NKAIN2: variants seen among roughly 807,000 people sequenced by gnomAD.
The protein encoded by NKAIN2 is sodium/potassium transporting ATPase interacting 2, also known as sodium/potassium-transporting ATPase subunit beta-1-interacting protein 2.
A neutral mutation model predicts 32.6 loss-of-function variants in NKAIN2; 14 were observed. That is an observed-to-expected ratio of 0.43 (90% confidence interval 0.28 to 0.67). NKAIN2 has a LOEUF of 0.67. Among genes scored for constraint, NKAIN2 ranks in the 30% least tolerant of loss-of-function variants. The pLI, the probability that NKAIN2 is intolerant of heterozygous loss-of-function variation, is 0.17. For synonymous variants in NKAIN2, 80 were observed against 87.2 expected, an observed-to-expected ratio of 0.92 and a Z score of 0.46; for missense variants, 198 against 258.3, an observed-to-expected ratio of 0.77 and a Z score of 1.60.
At chr6:124,707,141 T>A (rs1017373614) in intron 4 of NKAIN2, among the ~76,000 whole-genome samples, 2 of 152,036 alleles carry the variant, frequency 1.3e-5, no homozygotes, top group Non-Finnish European at 2.9e-5. Context: ...ATTTCTAATT[T>A]CATCCATGTC....
chr6:124,358,990 T>C (rs1389825443), intron 3 of NKAIN2, among the ~76,000 whole-genome samples: 4 of 151,362 alleles, frequency 2.6e-5, no homozygotes, highest in African/African-American at 9.7e-5. Context: ...TTTCTCCATA[T>C]GGCTAGCCAG....
intron 1 of NKAIN2, among the ~76,000 whole-genome samples, chr6:123,909,082 A>AT (rs954281654): frequency 1.6e-4 from 25 of 151,894 alleles, no homozygotes; most frequent in African/African-American, 5.1e-4. Flanking sequence ...TATTCCAGTC[A>AT]TTTTTTTTCT....
At chr6:124,758,596 A>C (rs1355783774) in intron 4 of NKAIN2, among the ~76,000 whole-genome samples, 1 of 152,202 alleles carries the variant, frequency 6.6e-6, no homozygotes, top group African/African-American at 2.4e-5. Context: ...CTGCTTGGTT[A>C]GGCCGCAGTT....
intron 4 of NKAIN2, among the ~76,000 whole-genome samples, chr6:124,672,335 T>C (rs1233997607): frequency 6.6e-6 from 1 of 152,024 alleles, no homozygotes; most frequent in African/African-American, 2.4e-5. Context: ...GTGTCCAATG[T>C]GGGAATTGTT....
At chr6:124,548,460 G>A (rs557176453) in intron 3 of NKAIN2, among the ~76,000 whole-genome samples, 24 of 152,270 alleles carry the variant, frequency 1.6e-4, no homozygotes, top group South Asian at 4.1e-4. Flanking sequence ...AAAGGGAAGC[G>A]TGGTGCATGA....
intron 3 of NKAIN2, among the ~76,000 whole-genome samples, chr6:124,528,683 A>C (rs1386465881): frequency 1.3e-5 from 2 of 150,526 alleles, no homozygotes; most frequent in Non-Finnish European, 2.9e-5. Flanking sequence ...ATCTTTAAAG[A>C]AAAAACAAGT....
chr6:124,608,325 C>T (rs774604866), intron 3 of NKAIN2, among the ~76,000 whole-genome samples: 9 of 152,220 alleles, frequency 5.9e-5, no homozygotes, highest in African/African-American at 1.4e-4. Flanking sequence ...CAATGCAGAC[C>T]GGGCACTCCA....
chr6:124,021,982 T>C (rs2114762069), intron 1 of NKAIN2, among the ~76,000 whole-genome samples: 1 of 152,252 alleles, frequency 6.6e-6, no homozygotes, highest in South Asian at 2.1e-4. Context: ...GCTATGTTGG[T>C]GTGCTGCACC....
chr6:124,621,866 C>T (rs1783119122), intron 3 of NKAIN2, among the ~76,000 whole-genome samples: 1 of 152,118 alleles, frequency 6.6e-6, no homozygotes, highest in African/African-American at 2.4e-5. Context: ...CCTCCCCTTG[C>T]AATACAACCA....
At position 124,754,505 on chromosome 6, in the gene NKAIN2, G is replaced by A. The variant is rs150216327; in HGVS notation, c.475-36834G>A. Reference sequence around the variant, plus strand: ...ATGATTGTTGGCCACATGAAAAGACGTATATGTGGCCAACAATTATGTGGA... The same window carrying A: ...ATGATTGTTGGCCACATGAAAAGACATATATGTGGCCAACAATTATGTGGA... On this transcript the variant is annotated intron_variant, in intron 4 of 6. Transcript: ENST00000368417. Among the ~76,000 whole-genome samples the A allele has an allele frequency of 7.5e-3, 1,133 of 151,884 alleles. 22 individuals carry two copies. Among genetic ancestry groups the A allele is most frequent in the African/African-American group, 0.026 (1,074 of 41,432 alleles).
intron 1 of NKAIN2, among the ~76,000 whole-genome samples, chr6:124,108,222 A>G (rs1363334319): frequency 1.3e-5 from 2 of 152,086 alleles, no homozygotes; most frequent in African/African-American, 4.8e-5. Context: ...CCTAATAGGT[A>G]CAAGGTAATA....
intron 4 of NKAIN2, among the ~76,000 whole-genome samples, chr6:124,687,295 TC>T (rs1416811434): frequency 7.0e-6 from 1 of 142,682 alleles, no homozygotes; most frequent in Non-Finnish European, 1.5e-5. Context: ...ATATATATAT[TC>T]TATATATAGA....
chr6:124,420,283 T>C (rs1226643701), intron 3 of NKAIN2, among the ~76,000 whole-genome samples: 2 of 152,186 alleles, frequency 1.3e-5, no homozygotes, highest in African/African-American at 4.8e-5. Flanking sequence ...CTCTCTGTAT[T>C]GTTGCCTAGA....
intron 1 of NKAIN2, among the ~76,000 whole-genome samples, chr6:123,984,658 C>T (rs1276898110): frequency 6.6e-6 from 1 of 151,950 alleles, no homozygotes; most frequent in African/African-American, 2.4e-5. Context: ...AATGTAAATC[C>T]TCAGAAAAGA....
rs1225677505 is a variant in NKAIN2 at position 124,208,181 on chromosome 6, T to C, written c.55-74824T>C. 3.3e-5 allele frequency among the ~76,000 whole-genome samples: 5 copies of C among 152,038 alleles called. No individual in the cohort carries two copies. The East Asian group carries it at 9.7e-4, about 29-fold the overall frequency. ...TAGCAGGCTGCTTTGTGATCTTGGC[T>C]AATTTATTTAGCATCTCAGCCTCAA... On this transcript the variant is annotated intron_variant, in intron 1 of 6. Coordinates refer to ENST00000368417, the MANE Select transcript of NKAIN2 (RefSeq NM_001040214.3).
chr6:124,805,202 G>C (rs1420430185), intron 5 of NKAIN2, among the ~76,000 whole-genome samples: 2 of 152,224 alleles, frequency 1.3e-5, no homozygotes, highest in East Asian at 1.9e-4. Flanking sequence ...GTGGGTCCCT[G>C]ACCCCTGACC....
chr6:124,543,894 C>A (rs1779997342), intron 3 of NKAIN2, among the ~76,000 whole-genome samples: 1 of 152,124 alleles, frequency 6.6e-6, no homozygotes, highest in Non-Finnish European at 1.5e-5. Flanking sequence ...AAGGTAGGGA[C>A]AAGCCAGGTA....
At chr6:124,803,513 T>C (rs1442618087) in intron 5 of NKAIN2, among the ~76,000 whole-genome samples, 4 of 152,220 alleles carry the variant, frequency 2.6e-5, no homozygotes, top group Non-Finnish European at 5.9e-5. Context: ...TACAAGGCCA[T>C]TTCCAAAAGG....
chr6:124,583,951 TG>T (rs1481814513), intron 3 of NKAIN2, among the ~76,000 whole-genome samples: 1 of 152,152 alleles, frequency 6.6e-6, no homozygotes, highest in African/African-American at 2.4e-5. Flanking sequence ...TGCAGAAGAA[TG>T]AAACTAGACC....
Sources: allele counts gnomAD v4.1 joint callset (sites outside exome capture counted in the v4.1 genomes callset), GRCh38; gene constraint gnomAD v4.1.1; transcripts MANE v1.5; gene names NCBI Gene and HGNC (gene_info 2026-07-23, HGNC 2026-07-21).